TBC1D5: variants seen among roughly 807,000 people sequenced by gnomAD.
TBC1D5 encodes the protein TBC1 domain family member 5.
TBC1D5 carries 75 observed loss-of-function variants against 100.3 expected under a neutral mutation model. That is an observed-to-expected ratio of 0.75 (90% CI 0.62 to 0.91). The LOEUF is 0.91. TBC1D5 is among the 40% of genes least tolerant of loss of function. The pLI, the probability that TBC1D5 is intolerant of heterozygous loss-of-function variation, is 0.00. For synonymous variants in TBC1D5, 323 were observed against 325.6 expected (o/e 0.99, Z 0.09); for missense variants, 910 against 942.4 (o/e 0.97, Z 0.45).
intron 2 of TBC1D5, among the ~76,000 whole-genome samples, chr3:17,534,570 G>C (rs1325063907): frequency 6.6e-6 from 1 of 152,114 alleles, no homozygotes; most frequent in Non-Finnish European, 1.5e-5. Context: ...ATGCTTCTGA[G>C]ATAGCATATC....
At chr3:17,420,500 G>C (rs149021646) in intron 4 of TBC1D5, among the ~76,000 whole-genome samples, 1 of 152,100 alleles carries the variant, frequency 6.6e-6, no homozygotes, top group East Asian at 1.9e-4. Flanking sequence ...CTATAAAGGA[G>C]ACCAATGTGT....
chr3:17,554,328 TCA>T (rs2096497308), intron 2 of TBC1D5, among the ~76,000 whole-genome samples: 1 of 152,166 alleles, frequency 6.6e-6, no homozygotes, highest in African/African-American at 2.4e-5. Flanking sequence ...ATAACGCAAC[TCA>T]CAGAGGAGTA....
chr3:17,740,073 G>T (rs2077289721), exon 1 of TBC1D5: 1 of 151,816 alleles, frequency 6.6e-6, no homozygotes, highest in African/African-American at 2.4e-5. Context: ...CCAGCACCTT[G>T]GGAGGCCGAG....
chr3:17,174,245 T>C (rs2067467591), intron 19 of TBC1D5, among the ~76,000 whole-genome samples: 1 of 152,220 alleles, frequency 6.6e-6, no homozygotes, highest in Non-Finnish European at 1.5e-5. Flanking sequence ...AGAGACTGAA[T>C]GTTTCCTGAA....
chr3:17,664,604 G>A (rs187051725), intron 1 of TBC1D5, among the ~76,000 whole-genome samples: 1 of 152,146 alleles, frequency 6.6e-6, no homozygotes, highest in Admixed American at 6.5e-5. Context: ...GAGAGGCAGA[G>A]CGAGACGAAG....
intron 13 of TBC1D5, among the ~76,000 whole-genome samples, chr3:17,330,928 C>T (rs2086788691): frequency 6.6e-6 from 1 of 152,262 alleles, no homozygotes; most frequent in Non-Finnish European, 1.5e-5. Context: ...TTGTCCCCAT[C>T]CAATAATTGT....
intron 18 of TBC1D5, among the ~76,000 whole-genome samples, chr3:17,208,226 T>G (rs909862536): frequency 2.0e-5 from 3 of 152,226 alleles, no homozygotes; most frequent in Non-Finnish European, 2.9e-5. Flanking sequence ...ATTTTCCAAC[T>G]GTGCACTGTT....
At chr3:17,593,113 T>C (rs1203842531) in intron 2 of TBC1D5, among the ~76,000 whole-genome samples, 1 of 152,194 alleles carries the variant, frequency 6.6e-6, no homozygotes, top group African/African-American at 2.4e-5. Context: ...TCTCCGATCC[T>C]GCCACCCTGC....
chr3:17,610,175 C>T (rs2061578219), intron 2 of TBC1D5, among the ~76,000 whole-genome samples: 1 of 152,178 alleles, frequency 6.6e-6, no homozygotes. Context: ...GTCATCTCAT[C>T]TGGCGTCTCT....
chr3:17,379,068 T>G (rs754060438), intron 9 of TBC1D5, among the ~76,000 whole-genome samples: 1 of 151,882 alleles, frequency 6.6e-6, no homozygotes, highest in Non-Finnish European at 1.5e-5. Context: ...CTTTAAAATA[T>G]TCTAATATTT....
intron 15 of TBC1D5, among the ~76,000 whole-genome samples, chr3:17,267,676 T>G (rs1166657020): frequency 2.6e-5 from 4 of 152,144 alleles, no homozygotes; most frequent in Non-Finnish European, 4.4e-5. Flanking sequence ...GAATAAGTCC[T>G]TGGACTGAGA....
intron 2 of TBC1D5, among the ~76,000 whole-genome samples, chr3:17,592,640 C>G (rs2060304534): frequency 1.3e-5 from 2 of 152,202 alleles, no homozygotes; most frequent in South Asian, 4.1e-4. Context: ...GGGTCCAGAA[C>G]AGGAGAAGGC....
At chr3:17,694,012 A>G (rs1487026774) in intron 1 of TBC1D5, among the ~76,000 whole-genome samples, 2 of 152,222 alleles carry the variant, frequency 1.3e-5, no homozygotes, top group African/African-American at 4.8e-5. Flanking sequence ...CCTGACTGTT[A>G]GAAGGAAAAC....
At chr3:17,419,511 T>A (rs1180156301) in intron 4 of TBC1D5, among the ~76,000 whole-genome samples, 1 of 152,128 alleles carries the variant, frequency 6.6e-6, no homozygotes, top group African/African-American at 2.4e-5. Flanking sequence ...GCAAAAGAAA[T>A]CTAAAAGAAT....
intron 1 of TBC1D5, among the ~76,000 whole-genome samples, chr3:17,731,121 C>T (rs190592938): frequency 8.0e-4 from 121 of 152,124 alleles, no homozygotes; most frequent in African/African-American, 2.8e-3. Flanking sequence ...GTGCCCAAGG[C>T]AAGCAAAAAC....
At chr3:17,416,603 T>A (rs1039017606) in intron 4 of TBC1D5, among the ~76,000 whole-genome samples, 2 of 152,200 alleles carry the variant, frequency 1.3e-5, no homozygotes, top group East Asian at 3.8e-4. Context: ...CTTAATTCCA[T>A]AAGAGAGGTA....
At chr3:17,446,285 T>C (rs1252956892) in intron 3 of TBC1D5, among the ~76,000 whole-genome samples, 8 of 152,140 alleles carry the variant, frequency 5.3e-5, no homozygotes, top group Non-Finnish European at 7.4e-5. Context: ...CAAATCCTAT[T>C]GATGAGAAGA....
intron 2 of TBC1D5, among the ~76,000 whole-genome samples, chr3:17,535,839 A>G (rs1287933462): frequency 4.6e-5 from 7 of 152,318 alleles, no homozygotes; most frequent in Admixed American, 4.6e-4. Context: ...ATGATACTGC[A>G]TAAATGAAAA....
At chr3:17,651,540 C>G (rs1315502854) in intron 1 of TBC1D5, among the ~76,000 whole-genome samples, 1 of 152,110 alleles carries the variant, frequency 6.6e-6, no homozygotes, top group African/African-American at 2.4e-5. Context: ...GAAACACCGT[C>G]TCTACTGAAA....
Sources: gnomAD v4.1 joint callset for allele counts (sites outside exome capture counted in the v4.1 genomes callset) on GRCh38, gnomAD v4.1.1 for gene constraint, MANE v1.5 for transcripts, NCBI Gene and HGNC (gene_info 2026-07-23, HGNC 2026-07-21) for gene names.